The following FOXP3 variants were observed in gnomAD, a reference collection of about 807,000 sequenced individuals.
FOXP3 encodes the protein forkhead box P3.
A neutral mutation model predicts 31.2 loss-of-function variants in FOXP3; 5 were observed. That is an observed-to-expected ratio of 0.16 (90% CI 0.08 to 0.34). FOXP3 has a LOEUF of 0.34. Ranked by LOEUF, FOXP3 falls within the 10% of genes least tolerant of loss-of-function variation. The pLI is 1.00. For synonymous variants in FOXP3, 141 were observed against 148.8 expected (o/e 0.95, Z 0.38); for missense variants, 251 against 363.0 (o/e 0.69, Z 2.51).
chrX:49,263,715 A>C (rs1352671838), intron 1 of FOXP3, among the ~76,000 whole-genome samples: 1 of 112,207 alleles, frequency 8.9e-6, no homozygotes, highest in Non-Finnish European at 1.9e-5. Flanking sequence ...ACGCTGTGCT[A>C]AGCCTGCAGA....
intron 1 of FOXP3, among the ~76,000 whole-genome samples, chrX:49,262,230 T>C (rs1248086692): frequency 1.8e-5 from 2 of 112,096 alleles, no homozygotes; most frequent in Non-Finnish European, 3.8e-5. Context: ...TAATCAAGAA[T>C]AAAGAAGGGC....
chrX:49,257,889 A>T, intron 2 of FOXP3, 121 bp from the exon 3 acceptor site: 1 of 554,116 alleles, frequency 1.8e-6, no homozygotes, highest in Non-Finnish European at 3.0e-6. Flanking sequence ...TTTTACACGT[A>T]TGGAAACTGA....
intron 1 of FOXP3, among the ~76,000 whole-genome samples, chrX:49,260,524 C>G (rs1331174592): frequency 8.9e-6 from 1 of 112,566 alleles, no homozygotes; most frequent in Non-Finnish European, 1.9e-5. Context: ...AGAATTCTCC[C>G]CAAACACATG....
chrX:49,257,037 TG>T, intron 4 of FOXP3, 25 bp from the exon 5 acceptor site: 1 of 1,153,834 alleles, frequency 8.7e-7, no homozygotes, highest in Non-Finnish European at 1.2e-6. Flanking sequence ...AGGGCACCTA[TG>T]GAGGCTGTGG....
intron 2 of FOXP3, 66 bp downstream of exon 2, chrX:49,258,229 TA>T: frequency 1.1e-6 from 1 of 935,652 alleles, no homozygotes; most frequent in Non-Finnish European, 1.5e-6. Flanking sequence ...AGTGCCACAG[TA>T]AAGGTCGGCA....
Position 49,253,214 on chromosome X carries a change from TG to T in FOXP3, c.968-13del, listed in dbSNP as rs782368010. ...GTTGTGGAGGAACTCTGTCAGAGGG[TG>T]GGGATGAATCAAGCCCCATGCAGGA... On this transcript the variant is annotated splice_polypyrimidine_tract_variant and intron_variant, in intron 9 of 11. Transcript: ENST00000376207. 4.2e-6 allele frequency: 5 copies of T among 1,196,804 alleles called. No individual in the cohort carries two copies. The East Asian group carries it at 1.2e-4, about 29-fold the overall frequency.
intron 6 of FOXP3, among the ~76,000 whole-genome samples, chrX:49,256,207 TGAGAGAGAGAGAAAGA>T (rs2066068953): frequency 2.4e-5 from 2 of 82,790 alleles, no homozygotes; most frequent in African/African-American, 4.4e-5. Flanking sequence ...TGTGTGTGTG[TGAGAGAGAGAGAAAGA>T]GAGAGAGAGA....
At chrX:49,259,790 T>C (rs1368671080) in intron 1 of FOXP3, among the ~76,000 whole-genome samples, 6 of 111,573 alleles carry the variant, frequency 5.4e-5, no homozygotes, top group African/African-American at 9.8e-5. Context: ...CGTAGTCCCA[T>C]AGTGACTTGA....
At chrX:49,257,602 C>T (rs923407616) in intron 3 of FOXP3, 37 bp from the exon 4 acceptor site, 9 of 1,191,430 alleles carry the variant, frequency 7.6e-6, no homozygotes, top group African/African-American at 5.3e-5. Context: ...CAGCCTGACT[C>T]GGGGCCCCTC....
rs1303706775 is a variant in FOXP3 at position 49,251,694 on chromosome X, G to T, written c.1116C>A (p.Ala372=). The T allele has an allele frequency of 6.6e-6, 8 of 1,203,259 alleles. No individual in the cohort carries two copies. Among genetic ancestry groups the T allele is most frequent in the Non-Finnish European group, 8.9e-6 (8 of 895,287 alleles). ...AGGTGGCAGGATGGTTTCTGAAGAA[G>T]GCAAACATGCGTGTGAACCAGTGGT... is the stretch of plus-strand genomic sequence containing the variant. ...EIYHWFTRMF[A]FFRNHPATWK... The change falls in exon 11 of 12, where the codon GCC becomes GCA. Residue 372 remains alanine, a synonymous_variant. Transcript: ENST00000376207.
intron 1 of FOXP3, among the ~76,000 whole-genome samples, chrX:49,260,855 A>C (rs1280065836): frequency 8.9e-6 from 1 of 112,908 alleles, no homozygotes; most frequent in African/African-American, 3.2e-5. Flanking sequence ...AAGAGGGCAG[A>C]TACCCCACCC....
chrX:49,258,941 C>T (rs1475881495), intron 1 of FOXP3, among the ~76,000 whole-genome samples: 1 of 112,390 alleles, frequency 8.9e-6, no homozygotes, highest in Non-Finnish European at 1.9e-5. Context: ...ACTTTCTCCT[C>T]GGAGTCCTAT....
chrX:49,253,304 G>A (rs1197965814), intron 9 of FOXP3, 102 bp from the exon 10 acceptor site: 8 of 634,191 alleles, frequency 1.3e-5, no homozygotes, highest in Non-Finnish European at 2.0e-5. Flanking sequence ...AGATCTCACC[G>A]TCAACACCCG....
chrX:49,260,768 G>A (rs1324311640), intron 1 of FOXP3, among the ~76,000 whole-genome samples: 2 of 112,991 alleles, frequency 1.8e-5, no homozygotes, highest in Non-Finnish European at 3.7e-5. Flanking sequence ...CACAGCCCCC[G>A]ACTTGCCCAG....
chrX:49,257,139 C>T (rs1188735308), intron 4 of FOXP3, 127 bp from the exon 5 acceptor site: 2 of 620,409 alleles, frequency 3.2e-6, no homozygotes, highest in Non-Finnish European at 5.0e-6. Flanking sequence ...GGGGGCTCTG[C>T]TGTCCCCAAA....
rs782158863 is a variant in FOXP3 at position 49,257,412 on chromosome X, G to A, written c.454+15C>T. On this transcript the variant is annotated intron_variant, in intron 4 of 11. Coordinates refer to ENST00000376207, the MANE Select transcript of FOXP3 (RefSeq NM_014009.4). ...GGGGTTCTGTGAAGCCATGGGGTAC[G>A]GGCTGAGGTGTTACCAGGTGGGAGG... 18 of 1,135,849 alleles carry A rather than the reference G, an allele frequency of 1.6e-5. No homozygotes were observed. Among genetic ancestry groups the A allele is most frequent in the East Asian group, 1.5e-4 (5 of 33,097 alleles). 93.6% of individuals were successfully genotyped at this position (1,135,849 alleles called of 1,213,427 possible).
chrX:49,255,518 T>C lies in FOXP3; in HGVS notation c.736-9A>G. 1 of 1,192,336 alleles carries C rather than the reference T, an allele frequency of 8.4e-7. No individual in the cohort carries two copies. The highest frequency in any genetic ancestry group is 1.1e-6 in the Non-Finnish European group (1 of 884,416). On this transcript the variant is annotated splice_polypyrimidine_tract_variant and intron_variant, in intron 7 of 11. Transcript: ENST00000376207. ...TCCTTCTCCAGCACCAGCTGTGAAATGGCACAAACATGAGGCCTCAGCCTG... is the reference window on the plus strand; with the variant it reads ...TCCTTCTCCAGCACCAGCTGTGAAACGGCACAAACATGAGGCCTCAGCCTG...
Position 49,262,702 on chromosome X carries a change from T to C in FOXP3, c.-23+1959A>G, listed in dbSNP as rs139898896. Among the ~76,000 whole-genome samples, 9 of 112,045 alleles carry C rather than the reference T, an allele frequency of 8.0e-5. No homozygotes were observed. The East Asian group carries it at 1.4e-3, about 17-fold the overall frequency. ...CCTGAGGAAGGTACTATTATAACCA[T>C]TGCAGTACATATGAGGAAATGGAGG... On this transcript the variant is annotated intron_variant, in intron 1 of 11. Coordinates refer to ENST00000376207, the MANE Select transcript of FOXP3 (RefSeq NM_014009.4).
Position 49,258,364 on chromosome X carries a change from G to C in FOXP3, c.142C>G (p.Arg48Gly). 17 of 1,167,095 alleles carry C rather than the reference G, an allele frequency of 1.5e-5. No homozygotes were observed. Among genetic ancestry groups the C allele is most frequent in the Non-Finnish European group, 1.9e-5 (17 of 872,194 alleles). ...ARGPGGTFQG[R>G]DLRGGAHASS... is the part of the protein sequence containing the mutation. ...GCATGGGCCCCGCCTCGAAGATCTC[G>C]GCCCTGGAAGGTTCCCCCTGGGCCC... The change falls in exon 2 of 12, where the codon CGA becomes GGA. Residue 48 changes from arginine (R) to glycine (G), a missense_variant. By Grantham distance (125) the Arg-to-Gly change is moderately radical. Transcript: ENST00000376207.
Sources: gnomAD v4.1 joint callset for allele counts (sites outside exome capture counted in the v4.1 genomes callset) on GRCh38, gnomAD v4.1.1 for gene constraint, MANE v1.5 for transcripts, NCBI Gene and HGNC (gene_info 2026-07-23, HGNC 2026-07-21) for gene names.